Variants in TMCO1 observed in about 807,000 individuals in gnomAD.
The protein encoded by TMCO1 is calcium load-activated calcium channel.
Under a neutral mutation model 29.3 loss-of-function variants are expected in TMCO1, and 29 were observed. The ratio of observed to expected loss-of-function variants is 0.99; its 90% confidence interval spans 0.74 to 1.35. The LOEUF (loss-of-function observed/expected upper bound fraction) is 1.35. Ranked by LOEUF, TMCO1 falls within the 40% of genes most tolerant of loss-of-function variation. The probability of loss-of-function intolerance (pLI) is 0.00; values close to 1 mark genes in which losing one functional copy is unlikely to be tolerated. For synonymous variants in TMCO1, 80 were observed against 77.1 expected (o/e 1.04, Z -0.20); for missense variants, 173 against 225.5 (o/e 0.77, Z 1.49).
downstream of TMCO1, chr1:165,725,723 A>T (rs1650859509): frequency 2.2e-6 from 1 of 454,178 alleles, no homozygotes; most frequent in Admixed American, 2.3e-5. Flanking sequence ...TCAGGACAAG[A>T]AATTTTAAAA....
At chr1:165,766,815 A>G (rs1486623505) in intron 2 of TMCO1, among the ~76,000 whole-genome samples, 1 of 152,174 alleles carries the variant, frequency 6.6e-6, no homozygotes, top group Non-Finnish European at 1.5e-5. Context: ...GATGGAGAGC[A>G]GCAAAACCGA....
At chr1:165,740,841 A>G (rs1457380202) in intron 6 of TMCO1, among the ~76,000 whole-genome samples, 1 of 152,190 alleles carries the variant, frequency 6.6e-6, no homozygotes, top group Non-Finnish European at 1.5e-5. Context: ...GTCCTCCACC[A>G]TCTTATGATG....
intron 6 of TMCO1, among the ~76,000 whole-genome samples, chr1:165,728,492 A>G (rs111795198): frequency 0.013 from 2,012 of 152,040 alleles, 52 homozygotes; most frequent in African/African-American, 0.047. Context: ...TCCTGACCTC[A>G]TGATCTGCCC....
chr1:165,748,158 C>CA lies in TMCO1; in HGVS notation c.323+3943dup, dbSNP rs1282605917. Among the ~76,000 whole-genome samples the CA allele has an allele frequency of 9.1e-3, 1,135 of 124,964 alleles. 18 individuals are homozygous for CA. Among genetic ancestry groups the CA allele is most frequent in the Admixed American group, 0.038 (464 of 12,232 alleles). 82.0% of individuals were successfully genotyped at this position (124,964 alleles called of 152,430 possible). On this transcript the variant is annotated intron_variant, in intron 5 of 6. Coordinates refer to ENST00000367881, the MANE Select transcript of TMCO1 (RefSeq NM_019026.6). ...TGGGTGACACAGCAAGACTCCATTT[C>CA]AAAAAAAAAAAAACCAGTAAAAGGG...
chr1:165,725,230 GAA>G (rs1443634072), downstream of TMCO1: 3 of 453,730 alleles, frequency 6.6e-6, no homozygotes, highest in South Asian at 4.7e-5. Context: ...TAAATAGTCT[GAA>G]AAAAACCTAC....
At position 165,752,165 on chromosome 1, in the gene TMCO1, C is replaced by T. The variant is rs763875549; in HGVS notation, c.260G>A (p.Arg87Gln). 1.2e-6 allele frequency: 2 copies of T among 1,611,976 alleles called. No individual in the cohort carries two copies. Among genetic ancestry groups the T allele is most frequent in the Admixed American group, 1.7e-5 (1 of 59,896 alleles). The change falls in exon 5 of 7, where the codon CGA becomes CAA. Residue 87 changes from arginine (R) to glutamine (Q), a missense_variant. Physicochemically the swap from Arg to Gln is conservative, Grantham distance 43. Transcript: ENST00000367881. ...GCCAATAGCAAACATGGATTTCATT[C>T]GAACCTGTAATGAGACGAACAAATT... is the stretch of plus-strand genomic sequence containing the variant. ...KNNNRDLSMV[R>Q]MKSMFAIGFC...
intron 6 of TMCO1, among the ~76,000 whole-genome samples, chr1:165,742,526 T>C (rs913153467): frequency 5.9e-5 from 9 of 152,132 alleles, no homozygotes; most frequent in African/African-American, 1.4e-4. Flanking sequence ...GCCTACCAAA[T>C]TGCTGGAATT....
intron 5 of TMCO1, among the ~76,000 whole-genome samples, chr1:165,749,348 T>G (rs758587796): frequency 2.0e-5 from 3 of 152,212 alleles, no homozygotes; most frequent in Non-Finnish European, 4.4e-5. Flanking sequence ...ATCCACTGCC[T>G]AAGTTTTGGG....
At chr1:165,752,955 T>C (rs1489371902) in intron 4 of TMCO1, among the ~76,000 whole-genome samples, 2 of 152,058 alleles carry the variant, frequency 1.3e-5, no homozygotes, top group Non-Finnish European at 1.5e-5. Flanking sequence ...TGGCAAAAGG[T>C]CTCTCAGTAA....
intron 2 of TMCO1, among the ~76,000 whole-genome samples, chr1:165,760,006 C>A (rs1243366230): frequency 2.6e-5 from 4 of 151,346 alleles, no homozygotes; most frequent in African/African-American, 9.7e-5. Flanking sequence ...TAACTCTAAG[C>A]AGATGAAAAA....
intron 3 of TMCO1, among the ~76,000 whole-genome samples, chr1:165,756,357 C>T (rs1311497449): frequency 1.3e-5 from 2 of 152,050 alleles, no homozygotes; most frequent in African/African-American, 4.8e-5. Flanking sequence ...AGCTTTTTCT[C>T]AAGACTTGCT....
At chr1:165,768,658 C>T in intron 1 of TMCO1, 24 bp downstream of exon 1, 2 of 1,614,038 alleles carry the variant, frequency 1.2e-6, no homozygotes, top group Non-Finnish European at 8.5e-7. Flanking sequence ...ACTGATCAAA[C>T]GTCTGAGAAA....
chr1:165,759,423 G>C (rs1473210470), intron 3 of TMCO1, 102 bp downstream of exon 3: 1 of 853,900 alleles, frequency 1.2e-6, no homozygotes, highest in African/African-American at 1.7e-5. Flanking sequence ...TAAAATCATA[G>C]AAATGTGAGT....
rs1652320743 is a variant in TMCO1 at position 165,759,471 on chromosome 1, A to G, written c.208+54T>C. On this transcript the variant is annotated intron_variant, in intron 3 of 6. Transcript: ENST00000367881. ...TAATTTTATATTTTCATTATCTAAG[A>G]ATTAATTTTTTTAAGAAAACCCAAA... 6 of 1,227,992 alleles carry G rather than the reference A, an allele frequency of 4.9e-6. No homozygotes were observed. In the South Asian group the frequency reaches 6.4e-5, roughly 13 times the overall value. The allele number at this position is 1,227,992 out of a possible 1,614,324, so 76.1% of individuals were successfully genotyped here. A position where few individuals can be genotyped will look rare whatever the true frequency, so the allele number is the denominator to read the frequency against.
In TMCO1 at chr1:165,768,289, A is replaced by G. The variant is rs368862221; in HGVS notation, c.71-20T>C. The G allele has an allele frequency of 1.4e-5, 22 of 1,603,218 alleles. No homozygotes were observed. In the East Asian group the frequency reaches 4.9e-4, roughly 36 times the overall value. ...TTATGCCTAAAACATTAAAAGCAAC[A>G]TGTTAATAGAGAAATGACTGGAATG... On this transcript the variant is annotated intron_variant, in intron 1 of 6. Coordinates refer to ENST00000367881, the MANE Select transcript of TMCO1 (RefSeq NM_019026.6).
At chr1:165,746,002 C>T (rs1011639003) in intron 5 of TMCO1, among the ~76,000 whole-genome samples, 4 of 152,094 alleles carry the variant, frequency 2.6e-5, no homozygotes, top group Non-Finnish European at 5.9e-5. Flanking sequence ...AAAAAGAAGG[C>T]CAGGAGCGGT....
chr1:165,764,999 G>A (rs991051041), intron 2 of TMCO1, among the ~76,000 whole-genome samples: 3 of 152,176 alleles, frequency 2.0e-5, no homozygotes, highest in African/African-American at 4.8e-5. Flanking sequence ...GTAATGGACT[G>A]CATATATGGG....
intron 2 of TMCO1, among the ~76,000 whole-genome samples, chr1:165,765,922 C>T (rs572943321): frequency 6.6e-6 from 1 of 152,278 alleles, no homozygotes; most frequent in East Asian, 1.9e-4. Flanking sequence ...GAACAGACTT[C>T]AGGGAGACAG....
At chr1:165,740,928 T>C (rs896716988) in intron 6 of TMCO1, among the ~76,000 whole-genome samples, 2 of 152,192 alleles carry the variant, frequency 1.3e-5, no homozygotes, top group African/African-American at 4.8e-5. Context: ...ATTGTCTTTA[T>C]AAATTAGCCA....
Sources: allele counts gnomAD v4.1 joint callset (sites outside exome capture counted in the v4.1 genomes callset), GRCh38; gene constraint gnomAD v4.1.1; transcripts MANE v1.5; gene names NCBI Gene and HGNC (gene_info 2026-07-23, HGNC 2026-07-21).